The following RIMS1 variants were observed in gnomAD, a reference collection of about 807,000 sequenced individuals.
The protein encoded by RIMS1 is regulating synaptic membrane exocytosis protein 1.
In RIMS1, 83 loss-of-function variants were observed where a neutral mutation model predicts 214.1. The observed-to-expected ratio is 0.39, with a 90% confidence interval of 0.32 to 0.47. RIMS1 has a LOEUF of 0.47. Ranked by LOEUF, RIMS1 falls within the 20% of genes least tolerant of loss-of-function variation. RIMS1 has a pLI of 0.99. For synonymous variants in RIMS1, 793 were observed against 786.8 expected (o/e 1.01, Z -0.13); for missense variants, 2,050 against 2,161.8 (o/e 0.95, Z 1.03).
intron 6 of RIMS1, 73 bp downstream of exon 6, chr6:72,183,222 G>T (rs1299409794): frequency 3.4e-6 from 5 of 1,479,222 alleles, no homozygotes; most frequent in Middle Eastern, 2.0e-4. Context: ...CAGGTGCTAG[G>T]CTAGTTGCTG....
intron 1 of RIMS1, among the ~76,000 whole-genome samples, chr6:71,960,464 T>A (rs1323596704): frequency 1.3e-5 from 2 of 152,202 alleles, no homozygotes. Flanking sequence ...TTGATCAATA[T>A]GCTTTCTTTA....
intron 4 of RIMS1, among the ~76,000 whole-genome samples, chr6:72,171,458 C>A (rs947505070): frequency 6.6e-5 from 10 of 151,608 alleles, no homozygotes; most frequent in Non-Finnish European, 1.2e-4. Flanking sequence ...ATCTGATAGC[C>A]CCCCCGAACC....
chr6:72,266,103 C>A, intron 22 of RIMS1, 54 bp downstream of exon 22: 1 of 1,288,680 alleles, frequency 7.8e-7, no homozygotes. Flanking sequence ...TGATTTTTTT[C>A]AGTCACTTTG....
intron 2 of RIMS1, among the ~76,000 whole-genome samples, chr6:72,029,192 CA>C (rs2151995679): frequency 6.6e-6 from 1 of 152,180 alleles, no homozygotes; most frequent in Admixed American, 6.6e-5. Context: ...ACCAAAGTCT[CA>C]ATAAAACTAT....
rs1432976492 is a variant in RIMS1, at chr6:72,368,245, G to C, written c.4367-22353G>C. Among the ~76,000 whole-genome samples the C allele has an allele frequency of 2.9e-5, 4 of 136,802 alleles. No individual in the cohort carries two copies. In the East Asian group the frequency reaches 8.7e-4, roughly 30 times the overall value. 89.7% of individuals were successfully genotyped at this position (136,802 alleles called of 152,430 possible). ...AAAAAGTTTCTTTTTTCCCCCTTAT[G>C]TTATAAACTTGGTGTAAGACCAACA... On this transcript the variant is annotated intron_variant, in intron 29 of 33. Transcript: ENST00000521978.
chr6:72,066,195 T>A (rs1279736722), intron 2 of RIMS1, among the ~76,000 whole-genome samples: 1 of 152,212 alleles, frequency 6.6e-6, no homozygotes, highest in African/African-American at 2.4e-5. Context: ...TATCTACAGA[T>A]TTCAATATTC....
intron 2 of RIMS1, among the ~76,000 whole-genome samples, chr6:72,057,128 A>G (rs1250862350): frequency 6.6e-6 from 1 of 152,194 alleles, no homozygotes; most frequent in Non-Finnish European, 1.5e-5. Context: ...AAGTTTGCCT[A>G]TGTAACAAAC....
intron 2 of RIMS1, among the ~76,000 whole-genome samples, chr6:72,044,507 A>C (rs1293781917): frequency 2.6e-5 from 4 of 151,876 alleles, no homozygotes; most frequent in Non-Finnish European, 5.9e-5. Context: ...TATACCAAAA[A>C]TAACTAAATA....
chr6:72,345,660 T>A (rs1193068274), intron 29 of RIMS1, among the ~76,000 whole-genome samples: 1 of 151,852 alleles, frequency 6.6e-6, no homozygotes, highest in African/African-American at 2.4e-5. Flanking sequence ...TGTTTTATAA[T>A]CTTGCCTTTT....
chr6:72,135,570 G>C (rs1002895858), intron 4 of RIMS1, among the ~76,000 whole-genome samples: 1 of 152,118 alleles, frequency 6.6e-6, no homozygotes, highest in Non-Finnish European at 1.5e-5. Flanking sequence ...TGAATGTTTA[G>C]TGTGGGTGTC....
At chr6:71,947,722 A>G (rs1788305029) in intron 1 of RIMS1, among the ~76,000 whole-genome samples, 1 of 152,146 alleles carries the variant, frequency 6.6e-6, no homozygotes, top group East Asian at 1.9e-4. Flanking sequence ...AACAATAAGT[A>G]TTTTAGGAAA....
intron 1 of RIMS1, among the ~76,000 whole-genome samples, chr6:71,940,279 G>A (rs1371218637): frequency 6.6e-6 from 1 of 152,116 alleles, no homozygotes; most frequent in African/African-American, 2.4e-5. Flanking sequence ...AAATATTACT[G>A]TACTATCAGC....
chr6:72,270,343 A>G (rs901707510), intron 22 of RIMS1, among the ~76,000 whole-genome samples: 1 of 152,196 alleles, frequency 6.6e-6, no homozygotes, highest in African/African-American at 2.4e-5. Flanking sequence ...TATGTGTGTA[A>G]TCAGTTATCT....
At chr6:72,042,487 A>G (rs757409493) in intron 2 of RIMS1, among the ~76,000 whole-genome samples, 2 of 151,876 alleles carry the variant, frequency 1.3e-5, no homozygotes, top group African/African-American at 2.4e-5. Context: ...TTTTATATCA[A>G]TGAGTGTTCT....
chr6:72,166,759 G>GT (rs1562478018), intron 4 of RIMS1, among the ~76,000 whole-genome samples: 1 of 240 alleles, frequency 4.2e-3, no homozygotes, highest in Non-Finnish European at 0.021. Context: ...TCTGGTGTAT[G>GT]AAATAAAATT....
intron 26 of RIMS1, among the ~76,000 whole-genome samples, chr6:72,296,980 C>T (rs985588983): frequency 4.0e-5 from 6 of 151,782 alleles, no homozygotes; most frequent in Non-Finnish European, 8.8e-5. Flanking sequence ...TATTATTTCT[C>T]ACCCTTAGCA....
chr6:72,164,204 A>G (rs1460566243), intron 4 of RIMS1, among the ~76,000 whole-genome samples: 1 of 152,212 alleles, frequency 6.6e-6, no homozygotes, highest in African/African-American at 2.4e-5. Context: ...TGCAGGATAT[A>G]ATCTCCTGGT....
chr6:72,148,141 G>T (rs947554997), intron 4 of RIMS1, among the ~76,000 whole-genome samples: 4 of 152,150 alleles, frequency 2.6e-5, no homozygotes, highest in African/African-American at 9.7e-5. Flanking sequence ...GCTTTTTCCA[G>T]TTTGGGGGAT....
intron 29 of RIMS1, among the ~76,000 whole-genome samples, chr6:72,364,441 A>T (rs1191216426): frequency 6.6e-6 from 1 of 152,204 alleles, no homozygotes; most frequent in Admixed American, 6.5e-5. Flanking sequence ...TGAAATGTGA[A>T]TCGTTTATAG....
Sources: gnomAD v4.1 joint callset for allele counts (sites outside exome capture counted in the v4.1 genomes callset) on GRCh38, gnomAD v4.1.1 for gene constraint, MANE v1.5 for transcripts, NCBI Gene and HGNC (gene_info 2026-07-23, HGNC 2026-07-21) for gene names.